Variants in NCKAP5 observed in about 807,000 individuals in gnomAD.
NCKAP5 encodes NCK associated protein 5, also known as nck-associated protein 5.
A neutral mutation model predicts 167.0 loss-of-function variants in NCKAP5; 92 were observed. That is an observed-to-expected ratio of 0.55 (90% CI 0.47 to 0.66). NCKAP5 has a LOEUF of 0.66. Ranked by LOEUF, NCKAP5 falls within the 30% of genes least tolerant of loss-of-function variation. NCKAP5 has a pLI of 0.00. For missense variants in NCKAP5, 2,378 were observed against 2,315.0 expected (o/e 1.03, Z -0.56); for synonymous variants, 891 against 877.4 (o/e 1.02, Z -0.27).
chr2:133,638,857 C>CAAAA, the NCKAP5 span, among the ~76,000 whole-genome samples: 2 of 84,054 alleles, frequency 2.4e-5, no homozygotes, highest in Non-Finnish European at 4.8e-5. Flanking sequence ...GACTCTATCT[C>CAAAA]AAAAAAAAAA....
chr2:133,286,165 T>G (rs573565410), intron 4 of NCKAP5, among the ~76,000 whole-genome samples: 2,649 of 152,040 alleles, frequency 0.017, 78 homozygotes, highest in African/African-American at 0.057. Context: ...CAGGCTAATT[T>G]TTTTTGTATT....
chr2:133,052,018 C>T (rs979678850), intron 6 of NCKAP5, among the ~76,000 whole-genome samples: 4 of 152,176 alleles, frequency 2.6e-5, no homozygotes, highest in African/African-American at 9.7e-5. Context: ...ACTGGGACTA[C>T]AATGATGAAC....
In NCKAP5 at chr2:132,728,810, C is replaced by G. The variant is rs765686116; in HGVS notation, c.5580+6G>C. On this transcript the variant is annotated splice_donor_region_variant and intron_variant, in intron 18 of 19. Coordinates refer to ENST00000409261, the MANE Select transcript of NCKAP5 (RefSeq NM_207363.3). ...ATTGCACCCTTCACCTCCCCCGACC[C>G]CTCACCTGGGTCCCGGTGGCAGCAA... The G allele has an allele frequency of 5.0e-6, 8 of 1,613,510 alleles. No individual in the cohort carries two copies. The African/African-American group carries it at 1.1e-4, about 22-fold the overall frequency.
At chr2:133,580,139 C>A in the NCKAP5 span, among the ~76,000 whole-genome samples, 1 of 152,144 alleles carries the variant, frequency 6.6e-6, no homozygotes, top group Non-Finnish European at 1.5e-5. Flanking sequence ...AGCTTCCTTT[C>A]GGGAATTGTT....
At chr2:133,001,294 A>T (rs1015080090) in intron 6 of NCKAP5, among the ~76,000 whole-genome samples, 5 of 147,236 alleles carry the variant, frequency 3.4e-5, no homozygotes, top group African/African-American at 5.1e-5. Context: ...ATCTCGACTC[A>T]CTGCAACCTT....
At chr2:132,686,916 A>T (rs528743842) in intron 19 of NCKAP5, among the ~76,000 whole-genome samples, 1 of 152,370 alleles carries the variant, frequency 6.6e-6, no homozygotes, top group Admixed American at 6.5e-5. Context: ...TTGTAAACCA[A>T]GGTTCTTGAA....
At chr2:133,448,728 C>A (rs1411115518) in intron 3 of NCKAP5, among the ~76,000 whole-genome samples, 2 of 152,066 alleles carry the variant, frequency 1.3e-5, no homozygotes, top group African/African-American at 4.8e-5. Context: ...CAGCCTTGAC[C>A]CCCCAGGCTC....
intron 6 of NCKAP5, among the ~76,000 whole-genome samples, chr2:133,062,744 T>C (rs551208034): frequency 2.6e-5 from 4 of 152,302 alleles, no homozygotes; most frequent in African/African-American, 9.6e-5. Context: ...GATTAATGTG[T>C]TACAAAGTTA....
intron 19 of NCKAP5, among the ~76,000 whole-genome samples, chr2:132,713,258 T>G (rs1029505842): frequency 1.3e-5 from 2 of 152,112 alleles, no homozygotes; most frequent in African/African-American, 4.8e-5. Flanking sequence ...GAAAATGATA[T>G]CTGAGAAAAA....
At chr2:133,444,681 GTTC>G (rs1032356726) in intron 3 of NCKAP5, among the ~76,000 whole-genome samples, 4 of 152,266 alleles carry the variant, frequency 2.6e-5, no homozygotes, top group African/African-American at 9.6e-5. Context: ...AGAGTTCTGT[GTTC>G]TTCTTCCTTG....
At chr2:133,136,431 C>T (rs1229323540) in intron 5 of NCKAP5, among the ~76,000 whole-genome samples, 1 of 152,166 alleles carries the variant, frequency 6.6e-6, no homozygotes, top group African/African-American at 2.4e-5. Context: ...TCAGGCATAA[C>T]AAGAGGCACG....
chr2:133,572,521 T>C (rs1034143973), upstream of NCKAP5, among the ~76,000 whole-genome samples: 6 of 152,182 alleles, frequency 3.9e-5, no homozygotes, highest in Non-Finnish European at 7.3e-5. Context: ...GTGGGCAAGA[T>C]TCAATTGCAG....
chr2:133,084,337 C>T lies in NCKAP5; in HGVS notation c.341+45641G>A, dbSNP rs531392554. ...TGTAATGACATCATAGAAGTATTCA[C>T]CATGTGCAGAGCAAATATATACATG... On this transcript the variant is annotated intron_variant, in intron 6 of 19. Coordinates refer to ENST00000409261, the MANE Select transcript of NCKAP5 (RefSeq NM_207363.3). 3.9e-5 allele frequency among the ~76,000 whole-genome samples: 6 copies of T among 152,194 alleles called. No individual in the cohort carries two copies. The South Asian group carries it at 1.0e-3, about 26-fold the overall frequency.
At chr2:132,865,975 G>A (rs536270269) in intron 10 of NCKAP5, among the ~76,000 whole-genome samples, 6 of 152,262 alleles carry the variant, frequency 3.9e-5, no homozygotes, top group East Asian at 3.9e-4. Flanking sequence ...AAGTGGACAC[G>A]GATGGTTCAA....
intron 6 of NCKAP5, among the ~76,000 whole-genome samples, chr2:133,111,708 C>T (rs1043275424): frequency 6.6e-6 from 1 of 152,202 alleles, no homozygotes; most frequent in East Asian, 1.9e-4. Flanking sequence ...TTGGTGTAGG[C>T]AACATCCAGA....
At chr2:133,656,054 T>C in the NCKAP5 span, among the ~76,000 whole-genome samples, 1 of 152,244 alleles carries the variant, frequency 6.6e-6, no homozygotes, top group African/African-American at 2.4e-5. Context: ...TCAAATGTTT[T>C]AATGTTATCT....
At chr2:132,698,557 G>A (rs114914105) in intron 19 of NCKAP5, among the ~76,000 whole-genome samples, 1,809 of 152,220 alleles carry the variant, frequency 0.012, 40 homozygotes, top group African/African-American at 0.04. Context: ...AATTGTGGCC[G>A]GGAGCTGTGG....
At chr2:133,337,866 T>C (rs1017816861) in intron 3 of NCKAP5, among the ~76,000 whole-genome samples, 2 of 152,210 alleles carry the variant, frequency 1.3e-5, no homozygotes, top group Admixed American at 6.5e-5. Context: ...CTTCCTTGGA[T>C]AGAATGGACC....
intron 3 of NCKAP5, among the ~76,000 whole-genome samples, chr2:133,351,293 T>C (rs1684342622): frequency 1.3e-5 from 2 of 152,208 alleles, no homozygotes; most frequent in African/African-American, 4.8e-5. Flanking sequence ...GCCCATTTAA[T>C]GATTTAAAAA....
Sources: gnomAD v4.1 joint callset for allele counts (sites outside exome capture counted in the v4.1 genomes callset) on GRCh38, gnomAD v4.1.1 for gene constraint, MANE v1.5 for transcripts, NCBI Gene and HGNC (gene_info 2026-07-23, HGNC 2026-07-21) for gene names.